The following EYA2 variants were observed in gnomAD, a reference collection of about 807,000 sequenced individuals.
EYA2 encodes the protein EYA transcriptional coactivator and phosphatase 2, also known as protein phosphatase EYA2.
In EYA2, 31 loss-of-function variants were observed where a neutral mutation model predicts 69.2. The ratio of observed to expected loss-of-function variants is 0.45; its 90% CI spans 0.34 to 0.60. EYA2 has a LOEUF of 0.60. Ranked by LOEUF, EYA2 falls within the 20% of genes least tolerant of loss-of-function variation. EYA2 has a pLI of 0.02. For synonymous variants in EYA2, 257 were observed against 279.4 expected, an observed-to-expected ratio of 0.92 and a Z score of 0.80; for missense variants, 622 against 701.2, an observed-to-expected ratio of 0.89 and a Z score of 1.28.
At chr20:47,170,966 CCGGCAGATGCCTG>C (rs1170154766) in intron 11 of EYA2, among the ~76,000 whole-genome samples, 1 of 152,240 alleles carries the variant, frequency 6.6e-6, no homozygotes, top group Admixed American at 6.5e-5. Context: ...AAGTGATCAG[CCGGCAGATGCCTG>C]CTTCATTTTA....
chr20:47,150,610 G>C (rs1189898710), intron 10 of EYA2, among the ~76,000 whole-genome samples: 1 of 151,932 alleles, frequency 6.6e-6, no homozygotes, highest in Non-Finnish European at 1.5e-5. Context: ...TGGGACTATA[G>C]GCAGGCGTCA....
At chr20:47,150,356 G>T (rs905542021) in intron 10 of EYA2, among the ~76,000 whole-genome samples, 2 of 152,158 alleles carry the variant, frequency 1.3e-5, no homozygotes, top group Non-Finnish European at 2.9e-5. Flanking sequence ...AAATAAAGAG[G>T]CTTAAGTACA....
At chr20:47,091,685 C>T (rs964129906) in intron 8 of EYA2, among the ~76,000 whole-genome samples, 33 of 151,706 alleles carry the variant, frequency 2.2e-4, no homozygotes, top group African/African-American at 8.0e-4. Flanking sequence ...GTAGAGGCTG[C>T]GTTGAGCCAT....
intron 7 of EYA2, among the ~76,000 whole-genome samples, chr20:47,087,234 C>G (rs1171639047): frequency 6.6e-6 from 1 of 152,146 alleles, no homozygotes; most frequent in Non-Finnish European, 1.5e-5. Flanking sequence ...GGAAATAGTT[C>G]TTTCAGTGTA....
At chr20:46,959,462 G>A (rs906402967) in intron 1 of EYA2, among the ~76,000 whole-genome samples, 4 of 152,178 alleles carry the variant, frequency 2.6e-5, no homozygotes, top group East Asian at 1.9e-4. Context: ...CTCTGTGGCA[G>A]GGGTGTGGAG....
In EYA2 at chr20:47,052,473, T is replaced by C. The variant is rs959417536; in HGVS notation, c.416-19712T>C. On this transcript the variant is annotated intron_variant, in intron 5 of 15. Coordinates refer to ENST00000327619, the MANE Select transcript of EYA2 (RefSeq NM_005244.5). ...AGAGTCTGTGAACGGATTGCTCAGC[T>C]ACTGCTGGGCATTTACCCCAAGCCG... Among the ~76,000 whole-genome samples the C allele has an allele frequency of 3.3e-5, 5 of 152,222 alleles. No homozygotes were observed. The South Asian group carries it at 1.0e-3, about 32-fold the overall frequency.
At chr20:47,178,504 G>A (rs1255460248) in intron 12 of EYA2, among the ~76,000 whole-genome samples, 5 of 152,140 alleles carry the variant, frequency 3.3e-5, no homozygotes, top group African/African-American at 1.2e-4. Context: ...CTCCAGGCTG[G>A]AATGGAAAGA....
intron 9 of EYA2, among the ~76,000 whole-genome samples, chr20:47,126,438 T>G (rs959875467): frequency 6.6e-6 from 1 of 152,182 alleles, no homozygotes; most frequent in Non-Finnish European, 1.5e-5. Flanking sequence ...CCAAGTCACG[T>G]ACCTTCTAGC....
intron 1 of EYA2, among the ~76,000 whole-genome samples, chr20:46,919,297 A>G (rs1985073176): frequency 6.6e-6 from 1 of 152,236 alleles, no homozygotes. Flanking sequence ...CTCTCTAGCT[A>G]TGAAAGCCCT....
At chr20:46,948,279 C>A (rs79336874) in intron 1 of EYA2, among the ~76,000 whole-genome samples, 2 of 152,270 alleles carry the variant, frequency 1.3e-5, no homozygotes, top group Middle Eastern at 3.4e-3. Flanking sequence ...GCAGTTGTCA[C>A]GTAAAAACAG....
At chr20:47,087,005 C>CA (rs1182137512) in intron 7 of EYA2, among the ~76,000 whole-genome samples, 20 of 152,252 alleles carry the variant, frequency 1.3e-4, no homozygotes, top group African/African-American at 4.1e-4. Context: ...TGCTCTTCAG[C>CA]ATCTGTGAAT....
At chr20:47,168,106 T>C (rs1465617701) in intron 10 of EYA2, among the ~76,000 whole-genome samples, 1 of 152,182 alleles carries the variant, frequency 6.6e-6, no homozygotes, top group Non-Finnish European at 1.5e-5. Flanking sequence ...CACATGTTCA[T>C]CCTTGAAGCA....
intron 12 of EYA2, among the ~76,000 whole-genome samples, chr20:47,173,526 A>C (rs2034369447): frequency 6.6e-6 from 1 of 150,660 alleles, no homozygotes; most frequent in South Asian, 2.1e-4. Flanking sequence ...AAAAAAAAAA[A>C]AAAAAACGTG....
At chr20:47,061,112 C>T (rs1476491134) in intron 5 of EYA2, among the ~76,000 whole-genome samples, 2 of 152,086 alleles carry the variant, frequency 1.3e-5, no homozygotes, top group East Asian at 1.9e-4. Context: ...CCTTGGCCTC[C>T]CAAACTGCTG....
intron 3 of EYA2, 85 bp from the exon 4 acceptor site, chr20:47,004,856 AG>A: frequency 1.3e-6 from 2 of 1,584,430 alleles, no homozygotes; most frequent in Non-Finnish European, 1.7e-6. Context: ...AGAACCCCAA[AG>A]AAAAATGGGG....
At chr20:47,093,309 G>A (rs979134002) in intron 8 of EYA2, among the ~76,000 whole-genome samples, 1 of 152,204 alleles carries the variant, frequency 6.6e-6, no homozygotes, top group Non-Finnish European at 1.5e-5. Context: ...CAGATCCCGG[G>A]GTCTGGGTCC....
chr20:47,173,109 G>A (rs2034358742), intron 12 of EYA2, among the ~76,000 whole-genome samples: 1 of 152,124 alleles, frequency 6.6e-6, no homozygotes, highest in Admixed American at 6.5e-5. Context: ...GCCACAAATG[G>A]CGCGGGGTGG....
At chr20:46,904,514 T>G (rs553066630) in intron 1 of EYA2, among the ~76,000 whole-genome samples, 1 of 152,180 alleles carries the variant, frequency 6.6e-6, no homozygotes, top group Non-Finnish European at 1.5e-5. Flanking sequence ...AATGGGGACA[T>G]TGTGATTGAA....
At chr20:46,929,883 A>T (rs1310170690) in intron 1 of EYA2, among the ~76,000 whole-genome samples, 2 of 151,538 alleles carry the variant, frequency 1.3e-5, no homozygotes, top group Non-Finnish European at 2.9e-5. Flanking sequence ...GTTCCTTGAG[A>T]CTACACCCTT....
Sources: allele counts gnomAD v4.1 joint callset (sites outside exome capture counted in the v4.1 genomes callset), GRCh38; gene constraint gnomAD v4.1.1; transcripts MANE v1.5; gene names NCBI Gene and HGNC (gene_info 2026-07-23, HGNC 2026-07-21).